The following EYS variants were observed in gnomAD, a reference collection of about 807,000 sequenced individuals.
EYS encodes protein eyes shut homolog.
EYS carries 250 observed loss-of-function variants against 282.1 expected under a neutral mutation model. The observed-to-expected ratio is 0.89, with a 90% confidence interval of 0.80 to 0.98. The LOEUF is 0.98. Ranked by LOEUF, EYS falls within the 50% of genes least tolerant of loss-of-function variation. EYS has a pLI of 0.00. For missense variants in EYS, 4,016 were observed against 3,709.0 expected (o/e 1.08, Z -2.15); for synonymous variants, 1,355 against 1,282.9 (o/e 1.06, Z -1.20).
At chr6:64,940,463 T>C in intron 15 of EYS, among the ~76,000 whole-genome samples, 1 of 152,192 alleles carries the variant, frequency 6.6e-6, no homozygotes. Flanking sequence ...TATAATTAAT[T>C]AATGTAAGAA....
intron 35 of EYS, among the ~76,000 whole-genome samples, chr6:63,880,378 CT>C (rs1773094856): frequency 6.6e-6 from 1 of 151,732 alleles, no homozygotes; most frequent in African/African-American, 2.4e-5. Flanking sequence ...CCTCTCCTTG[CT>C]CCTCAAGCTT....
chr6:64,824,012 C>T (rs536805126), intron 19 of EYS, among the ~76,000 whole-genome samples: 1 of 152,010 alleles, frequency 6.6e-6, no homozygotes, highest in South Asian at 2.1e-4. Context: ...CAGGTACACT[C>T]AATTTCAGAG....
intron 5 of EYS, among the ~76,000 whole-genome samples, chr6:65,487,633 C>G (rs879997707): frequency 4.6e-5 from 7 of 151,982 alleles, no homozygotes; most frequent in Admixed American, 4.6e-4. Context: ...ACCTAAAATT[C>G]TATTTTTTTG....
chr6:64,142,662 C>A (rs1346917200), intron 31 of EYS, among the ~76,000 whole-genome samples: 2 of 152,096 alleles, frequency 1.3e-5, no homozygotes, highest in African/African-American at 4.8e-5. Flanking sequence ...AGAATGAATT[C>A]CAGCAGTAGT....
intron 39 of EYS, among the ~76,000 whole-genome samples, chr6:63,784,239 A>C (rs935897930): frequency 6.6e-6 from 1 of 152,138 alleles, no homozygotes; most frequent in African/African-American, 2.4e-5. Context: ...TTCCATAATC[A>C]TGTGACCCAA....
chr6:65,645,305 T>C (rs1264199380), intron 1 of EYS, among the ~76,000 whole-genome samples: 1 of 152,060 alleles, frequency 6.6e-6, no homozygotes, highest in Non-Finnish European at 1.5e-5. Context: ...TCTCAGTAAA[T>C]TTAAGAAAAT....
At chr6:65,432,551 A>T (rs1767926228) in intron 5 of EYS, among the ~76,000 whole-genome samples, 1 of 152,120 alleles carries the variant, frequency 6.6e-6, no homozygotes, top group African/African-American at 2.4e-5. Flanking sequence ...GCAGAACAAG[A>T]AGGAGCCCAA....
intron 36 of EYS, among the ~76,000 whole-genome samples, chr6:63,838,529 T>A (rs917602795): frequency 1.3e-5 from 2 of 152,180 alleles, no homozygotes; most frequent in Admixed American, 1.3e-4. Flanking sequence ...GCCCTGTATA[T>A]GTGGTGATAA....
intron 12 of EYS, among the ~76,000 whole-genome samples, chr6:65,226,883 G>A (rs1033757646): frequency 9.2e-5 from 14 of 152,032 alleles, no homozygotes; most frequent in African/African-American, 2.4e-4. Flanking sequence ...AATATCCATC[G>A]GATGATAAAT....
rs116323808 is a variant in EYS, at chr6:64,065,896, A to G, written c.6725+442T>C. Among the ~76,000 whole-genome samples, 100 of 152,350 alleles carry G rather than the reference A, an allele frequency of 6.6e-4. 2 individuals are homozygous for G. The highest frequency in any genetic ancestry group is 2.3e-3 in the African/African-American group (97 of 41,586). On this transcript the variant is annotated intron_variant, in intron 33 of 42. Coordinates refer to ENST00000503581, the MANE Select transcript of EYS (RefSeq NM_001142800.2). The stretch of plus-strand genomic sequence containing the variant: ...AAAAGCAAAAATAAAAAAGTAAACA[A>G]AACAATTTTCAGATGGACTTTTAAA...
chr6:65,140,043 TA>T (rs1764288844), intron 12 of EYS, among the ~76,000 whole-genome samples: 2 of 151,982 alleles, frequency 1.3e-5, no homozygotes, highest in Admixed American at 6.6e-5. Flanking sequence ...AGGCAATTAA[TA>T]AATGACAATA....
At chr6:64,950,718 T>A (rs1769458485) in intron 14 of EYS, among the ~76,000 whole-genome samples, 1 of 138,948 alleles carries the variant, frequency 7.2e-6, no homozygotes, top group Admixed American at 7.5e-5. Context: ...ACAAAATGAT[T>A]TAAAAAAACC....
intron 30 of EYS, among the ~76,000 whole-genome samples, chr6:64,267,390 C>T (rs1358537576): frequency 2.0e-5 from 3 of 152,004 alleles, no homozygotes; most frequent in Non-Finnish European, 2.9e-5. Context: ...ACTCTCCCAC[C>T]CATACTTCAC....
chr6:63,975,241 A>G (rs1766777786), intron 35 of EYS, among the ~76,000 whole-genome samples: 2 of 152,038 alleles, frequency 1.3e-5, no homozygotes. Flanking sequence ...TGAGATTATC[A>G]TACACAAAAT....
chr6:64,973,690 G>A (rs1221127042), intron 14 of EYS, among the ~76,000 whole-genome samples: 3 of 151,968 alleles, frequency 2.0e-5, no homozygotes, highest in East Asian at 1.9e-4. Flanking sequence ...ACTGAAGATA[G>A]TGCTAAGTCT....
At chr6:64,774,232 C>G (rs1188191990) in intron 22 of EYS, among the ~76,000 whole-genome samples, 1 of 151,912 alleles carries the variant, frequency 6.6e-6, no homozygotes, top group South Asian at 2.1e-4. Flanking sequence ...ATTGGGGAAA[C>G]TGAAGATAAT....
chr6:64,209,777 C>G (rs1021466464), intron 31 of EYS, among the ~76,000 whole-genome samples: 14 of 152,106 alleles, frequency 9.2e-5, no homozygotes, highest in Admixed American at 3.3e-4. Flanking sequence ...TTCTTTTCTG[C>G]TTAACCACTC....
At chr6:64,726,485 TATAG>T (rs1771760860) in intron 22 of EYS, among the ~76,000 whole-genome samples, 1 of 152,154 alleles carries the variant, frequency 6.6e-6, no homozygotes, top group Non-Finnish European at 1.5e-5. Flanking sequence ...AGTAGCTAAC[TATAG>T]ATAGATATTA....
chr6:64,992,692 A>T (rs1351052766), intron 14 of EYS, among the ~76,000 whole-genome samples: 1 of 151,936 alleles, frequency 6.6e-6, no homozygotes, highest in Non-Finnish European at 1.5e-5. Flanking sequence ...TGTTTTGAGA[A>T]TTCTGGAACT....
Sources: allele counts gnomAD v4.1 joint callset (sites outside exome capture counted in the v4.1 genomes callset), GRCh38; gene constraint gnomAD v4.1.1; transcripts MANE v1.5; gene names NCBI Gene and HGNC (gene_info 2026-07-23, HGNC 2026-07-21).